The following PIK3C2A variants were observed in gnomAD, a reference collection of about 807,000 sequenced individuals.
PIK3C2A encodes phosphatidylinositol 4-phosphate 3-kinase C2 domain-containing subunit alpha.
In PIK3C2A, 97 loss-of-function variants were observed where a neutral mutation model predicts 204.5. That is an observed-to-expected ratio of 0.47 (90% CI 0.40 to 0.56). The LOEUF (loss-of-function observed/expected upper bound fraction) is 0.56. Ranked by LOEUF, PIK3C2A falls within the 20% of genes least tolerant of loss-of-function variation. The pLI is 0.00. For missense variants in PIK3C2A, 1,735 were observed against 1,969.2 expected (o/e 0.88, Z 2.25); for synonymous variants, 653 against 664.4 (o/e 0.98, Z 0.26).
chr11:17,187,598 G>A (rs756157722), intron 1 of PIK3C2A, among the ~76,000 whole-genome samples: 6 of 152,026 alleles, frequency 3.9e-5, no homozygotes, highest in Non-Finnish European at 7.4e-5. Context: ...GACAGTTTTG[G>A]AGAAGTATGA....
chr11:17,099,383 A>G (rs898020223), intron 26 of PIK3C2A, among the ~76,000 whole-genome samples: 5 of 152,210 alleles, frequency 3.3e-5, no homozygotes, highest in Non-Finnish European at 7.3e-5. Flanking sequence ...ATAACATTTT[A>G]GAAAGAGACT....
chr11:17,110,609 T>C (rs781567708), intron 21 of PIK3C2A, 48 bp from the exon 22 acceptor site: 9 of 1,552,426 alleles, frequency 5.8e-6, no homozygotes, highest in Non-Finnish European at 7.9e-6. Flanking sequence ...CCAAAAGACT[T>C]AACAGATTAC....
At chr11:17,179,628 A>G (rs1225083915) in intron 1 of PIK3C2A, among the ~76,000 whole-genome samples, 1 of 152,198 alleles carries the variant, frequency 6.6e-6, no homozygotes, top group East Asian at 1.9e-4. Flanking sequence ...TAAATTTTTA[A>G]AAATAGAGAC....
chr11:17,176,073 G>A (rs993368997), intron 1 of PIK3C2A, among the ~76,000 whole-genome samples: 2 of 151,042 alleles, frequency 1.3e-5, no homozygotes, highest in Non-Finnish European at 2.9e-5. Flanking sequence ...GTGCGATCTC[G>A]GTTCACCACA....
chr11:17,199,021 A>T (rs1248877840), intron 1 of PIK3C2A, among the ~76,000 whole-genome samples: 1 of 151,938 alleles, frequency 6.6e-6, no homozygotes, highest in Non-Finnish European at 1.5e-5. Context: ...TGGGAGGATG[A>T]GACAAGAGAA....
rs185461054 is a variant in PIK3C2A, at chr11:17,169,366, A to C, written c.376T>G (p.Ser126Ala). 4 of 1,613,964 alleles carry C rather than the reference A, an allele frequency of 2.5e-6. No homozygotes were observed. The highest frequency in any genetic ancestry group is 1.3e-5 in the African/African-American group (1 of 75,030). Reference protein sequence around the residue: ...VLPVTPILSPSFSAQLYFRPT... With the variant: ...VLPVTPILSPAFSAQLYFRPT... ...CTAAAATAGAGCTGTGCTGAAAAGG[A>C]AGGGCTCAGAATAGGAGTAACTGGT... The change falls in exon 2 of 33, where the codon TCC becomes GCC. Residue 126 changes from serine to alanine, a missense_variant. By Grantham distance (99) the Ser-to-Ala change is moderately conservative. Around this residue, in one of 6 missense-constraint regions of PIK3C2A, gnomAD observed 536 missense variants for 546.7 expected, o/e 0.98. Coordinates refer to ENST00000691414, the MANE Select transcript of PIK3C2A (RefSeq NM_002645.4).
intron 8 of PIK3C2A, among the ~76,000 whole-genome samples, chr11:17,143,610 A>T (rs904505235): frequency 7.1e-6 from 1 of 139,996 alleles, no homozygotes; most frequent in Non-Finnish European, 1.5e-5. Flanking sequence ...GTAAATGACA[A>T]GAAAGAATAT....
At chr11:17,128,997 G>T (rs1451987317) in intron 13 of PIK3C2A, among the ~76,000 whole-genome samples, 1 of 152,130 alleles carries the variant, frequency 6.6e-6, no homozygotes, top group Non-Finnish European at 1.5e-5. Context: ...ACAAGACTGT[G>T]GTATTATGTC....
chr11:17,144,713 G>A (rs1477748162), intron 8 of PIK3C2A, among the ~76,000 whole-genome samples: 2 of 151,784 alleles, frequency 1.3e-5, no homozygotes, highest in Non-Finnish European at 2.9e-5. Flanking sequence ...TGGCCAACAT[G>A]GTGAAACCCC....
At chr11:17,138,049 G>T in intron 8 of PIK3C2A, 1 of 650,608 alleles carries the variant, frequency 1.5e-6, no homozygotes, top group Non-Finnish European at 2.9e-6. Flanking sequence ...GATAAGGAAA[G>T]CATGCTTGAT....
Position 17,120,018 on chromosome 11 carries a change from A to C in PIK3C2A, c.2658-44T>G, listed in dbSNP as rs1356812087. The C allele has an allele frequency of 1.1e-5, 9 of 832,684 alleles. No individual in the cohort carries two copies. In the East Asian group the frequency reaches 1.1e-4, roughly 10 times the overall value. The allele number at this position is 832,684 out of a possible 1,614,324, so 51.6% of individuals were successfully genotyped here. ...TAAATTACTTCTCAGTGATAACATA[A>C]TGATATAATCTCAATGATTAAAAAT... On this transcript the variant is annotated intron_variant, in intron 15 of 32. Transcript: ENST00000691414.
intron 1 of PIK3C2A, among the ~76,000 whole-genome samples, chr11:17,187,992 T>C (rs1851812835): frequency 6.6e-6 from 1 of 152,134 alleles, no homozygotes; most frequent in South Asian, 2.1e-4. Flanking sequence ...TTGGTAGTTT[T>C]AAATTTTTCA....
intron 1 of PIK3C2A, among the ~76,000 whole-genome samples, chr11:17,185,049 G>C (rs1851707783): frequency 6.6e-6 from 1 of 151,888 alleles, no homozygotes; most frequent in South Asian, 2.1e-4. Context: ...TAATGTCCTA[G>C]GCCTTTGCAT....
At chr11:17,146,022 T>C (rs1480032300) in intron 6 of PIK3C2A, 80 bp from the exon 7 acceptor site, 3 of 967,966 alleles carry the variant, frequency 3.1e-6, no homozygotes, top group South Asian at 1.6e-5. Context: ...GTTAAGTGTA[T>C]GATAAAATCT....
intron 19 of PIK3C2A, among the ~76,000 whole-genome samples, chr11:17,114,788 C>T (rs565404659): frequency 6.6e-5 from 10 of 152,112 alleles, no homozygotes; most frequent in Non-Finnish European, 8.8e-5. Flanking sequence ...TGTTAGGAAA[C>T]GATTTCATAA....
chr11:17,096,733 CAA>C (rs1254191393), intron 27 of PIK3C2A, among the ~76,000 whole-genome samples: 3 of 152,190 alleles, frequency 2.0e-5, no homozygotes, highest in Non-Finnish European at 2.9e-5. Context: ...TGTATCTGTT[CAA>C]AGACAATGTG....
intron 1 of PIK3C2A, among the ~76,000 whole-genome samples, chr11:17,186,922 T>C (rs1179724063): frequency 6.6e-6 from 1 of 152,034 alleles, no homozygotes; most frequent in Non-Finnish European, 1.5e-5. Flanking sequence ...CTATTAAAAA[T>C]ACAAAAATTA....
At chr11:17,138,141 G>T (rs1849936271) in intron 8 of PIK3C2A, 2 of 778,160 alleles carry the variant, frequency 2.6e-6, no homozygotes, top group Non-Finnish European at 4.4e-6. Context: ...TCTCATAAGG[G>T]CTTTAGGTCT....
chr11:17,132,007 A>G lies in PIK3C2A; in HGVS notation c.2140T>C (p.Ser714Pro). The G allele has an allele frequency of 6.4e-6, 10 of 1,553,420 alleles. No individual in the cohort carries two copies. The highest frequency in any genetic ancestry group is 8.8e-6 in the Non-Finnish European group (10 of 1,134,120). ...TTAAAAAGATCCTTTCCATTGTGAGACAGTGAACATATCAAGTAGTATTTT... is the reference window on the plus strand; with the variant it reads ...TTAAAAAGATCCTTTCCATTGTGAGGCAGTGAACATATCAAGTAGTATTTT... ...YEKYYLICSL[S>P]HNGKDLFKPI... Residue 714 changes from serine to proline, a missense_variant, in exon 12 of 33, where the codon TCT becomes CCT. This residue lies in a region of PIK3C2A where 567 missense variants were observed against 576.0 expected (regional missense o/e 0.98). Coordinates refer to ENST00000691414, the MANE Select transcript of PIK3C2A (RefSeq NM_002645.4).
Sources: allele counts gnomAD v4.1 joint callset (sites outside exome capture counted in the v4.1 genomes callset), GRCh38; gene constraint gnomAD v4.1.1; regional missense constraint gnomAD v4.1.1; transcripts MANE v1.5; gene names NCBI Gene and HGNC (gene_info 2026-07-23, HGNC 2026-07-21).